Variants in ZNF816 observed in about 807,000 individuals in gnomAD.
The protein encoded by ZNF816 is zinc finger protein 816A.
In ZNF816, 11 loss-of-function variants were observed where a neutral mutation model predicts 8.3. The ratio of observed to expected loss-of-function variants is 1.32; its 90% CI spans 0.83 to 2.19. The LOEUF is 2.19. Ranked by LOEUF, ZNF816 falls within the 30% of genes most tolerant of loss-of-function variation. The pLI is 0.00. For synonymous variants in ZNF816, 255 were observed against 254.5 expected (o/e 1.00, Z -0.02); for missense variants, 710 against 779.3 (o/e 0.91, Z 1.06).
chr19:52,957,414 C>T lies in ZNF816; in HGVS notation c.-15-1310G>A, dbSNP rs2083519254. On this transcript the variant is annotated intron_variant, in intron 1 of 3. Coordinates refer to ENST00000444460, the MANE Select transcript of ZNF816 (RefSeq NM_001202457.3). This position sits in a 1 kb window ranked among gnomAD's most constrained non-coding sequence, Gnocchi z 4.6. The stretch of plus-strand genomic sequence containing the variant: ...ACTTGCAGTGTAACCAGTGTGCTTA[C>T]TGTAAAGAAATAGGATATTAGAAGG... Among the ~76,000 whole-genome samples the T allele has an allele frequency of 6.6e-6, 1 of 152,070 alleles. No homozygotes were observed. The highest frequency in any genetic ancestry group is 6.6e-5 in the Admixed American group (1 of 15,260).
intron 1 of ZNF816, 162 bp from the exon 2 acceptor site, chr19:52,956,266 C>T: frequency 1.3e-6 from 1 of 760,054 alleles, no homozygotes; most frequent in Non-Finnish European, 2.1e-6. Context: ...ACAGGAAGAC[C>T]TACAAATGTA....
In ZNF816 at chr19:52,953,520, T is replaced by TA. The variant is rs1206965095; in HGVS notation, c.64-644dup. 7.3e-4 allele frequency: 33 copies of TA among 45,482 alleles called. 1 individual carries two copies. The highest frequency in any genetic ancestry group is 4.5e-3 in the African/African-American group (10 of 2,214). 2.8% of individuals were successfully genotyped at this position (45,482 alleles called of 1,614,324 possible). ...TTAATATTTAATTATATATAATATA[T>TA]ATTTATAATATATAATATATAATAC... On this transcript the variant is annotated intron_variant, in intron 2 of 3. Transcript: ENST00000444460.
At chr19:52,954,989 A>C (rs2083497604) in intron 2 of ZNF816, among the ~76,000 whole-genome samples, 1 of 152,126 alleles carries the variant, frequency 6.6e-6, no homozygotes, top group Non-Finnish European at 1.5e-5. Flanking sequence ...GCATAAGTGC[A>C]CTTTTCTTTG....
In ZNF816 at chr19:52,950,929, C is replaced by G. The variant is rs1478956639; in HGVS notation, c.846G>C (p.Glu282Asp). Residue 282 changes from glutamate to aspartate, a missense_variant, in exon 4 of 4, where the codon GAG becomes GAC. Coordinates refer to ENST00000444460, the MANE Select transcript of ZNF816 (RefSeq NM_001202457.3). ...CACACTCATTACACTTGTAAGTTTT[C>G]TCACCAGTGTGACATCTATGATGAT... is the stretch of plus-strand genomic sequence containing the variant. The part of the protein sequence containing the change: ...IVYHHRCHTG[E>D]KTYKCNECGK... 1 of 1,614,176 alleles carries G rather than the reference C, an allele frequency of 6.2e-7. No homozygotes were observed. Among genetic ancestry groups the G allele is most frequent in the Non-Finnish European group, 8.5e-7 (1 of 1,180,024 alleles).
intron 3 of ZNF816, 140 bp downstream of exon 3, chr19:52,952,611 G>A: frequency 6.7e-7 from 1 of 1,487,038 alleles, no homozygotes; most frequent in South Asian, 1.3e-5. Context: ...ATGACAGATA[G>A]GAGGGTCATC....
At chr19:52,953,685 G>A (rs1447330650) in intron 2 of ZNF816, among the ~76,000 whole-genome samples, 3 of 135,560 alleles carry the variant, frequency 2.2e-5, no homozygotes, top group African/African-American at 8.3e-5. Context: ...ATATAATATT[G>A]TATAATAAAT....
At chr19:52,960,318 T>C (rs1250911637) in intron 1 of ZNF816, 4 of 242,600 alleles carry the variant, frequency 1.6e-5, no homozygotes, top group Non-Finnish European at 8.2e-6. Flanking sequence ...CTAGTTCTCG[T>C]GTGTACCTAC....
In ZNF816 at chr19:52,950,775, G is replaced by T; in HGVS notation, c.1000C>A (p.Leu334Ile). ...TTGTAAGGTTTCTCTCCAGTATGAA[G>T]TCTACGATGGCATCTAAGGGATGAC... is the stretch of plus-strand genomic sequence containing the variant. ...EKSSLRCHRR[L>I]HTGEKPYKCN... Residue 334 changes from leucine to isoleucine, a missense_variant, in exon 4 of 4, where the codon CTT becomes ATT. By Grantham distance (5) the Leu-to-Ile change is conservative. Transcript: ENST00000444460. The T allele has an allele frequency of 6.2e-7, 1 of 1,613,148 alleles. No individual in the cohort carries two copies. The highest frequency in any genetic ancestry group is 8.5e-7 in the Non-Finnish European group (1 of 1,179,936).
rs2083462219 is a variant in ZNF816, at chr19:52,951,724, A to T, written c.191-140T>A. 19 of 832,078 alleles carry T rather than the reference A, an allele frequency of 2.3e-5. No homozygotes were observed. In the South Asian group the frequency reaches 3.9e-4, roughly 17 times the overall value. The allele number at this position is 832,078 out of a possible 1,614,324, so 51.5% of individuals were successfully genotyped here. A position where few individuals can be genotyped will look rare whatever the true frequency, so the allele number is the denominator to read the frequency against. On this transcript the variant is annotated intron_variant, in intron 3 of 3. Transcript: ENST00000444460. ...TGTGATCTTCATAGTTTAAGAACAC[A>T]CTGTCTCTACTGAACATACAAAAAT...
intron 2 of ZNF816, among the ~76,000 whole-genome samples, chr19:52,954,506 G>A (rs1474677789): frequency 2.0e-5 from 3 of 152,118 alleles, no homozygotes; most frequent in African/African-American, 4.8e-5. Flanking sequence ...AAAATTTTCA[G>A]AACTTGCAGG....
chr19:52,960,383 C>T (rs62116826), intron 1 of ZNF816, among the ~76,000 whole-genome samples: 19,828 of 152,110 alleles, frequency 0.13, 1,604 homozygotes, highest in East Asian at 0.26. Flanking sequence ...TGTGCTTCTT[C>T]GAGATCTTAT....
chr19:52,962,582 G>A (rs1280921254), intron 1 of ZNF816, 145 bp downstream of exon 1: 1 of 152,236 alleles, frequency 6.6e-6, no homozygotes, highest in East Asian at 1.9e-4. Context: ...AACAGCGCGA[G>A]GCGGGAGGAC....
chr19:52,958,715 C>T (rs537261094), intron 1 of ZNF816, among the ~76,000 whole-genome samples: 8 of 152,158 alleles, frequency 5.3e-5, no homozygotes, highest in African/African-American at 1.9e-4. Flanking sequence ...ACAGGGGGAG[C>T]GCAGCCTGGG....
rs1241783171 is a variant in ZNF816, at chr19:52,950,937, T to C, written c.838A>G (p.Thr280Ala). ...QYIVYHHRCH[T>A]GEKTYKCNEC... is the part of the protein sequence containing the mutation. ...TTACACTTGTAAGTTTTCTCACCAG[T>C]GTGACATCTATGATGATATACAATG... The change falls in exon 4 of 4, where the codon ACT becomes GCT. Residue 280 changes from threonine (T) to alanine (A), a missense_variant. Physicochemically the swap from Thr to Ala is moderately conservative, Grantham distance 58. Coordinates refer to ENST00000444460, the MANE Select transcript of ZNF816 (RefSeq NM_001202457.3). 1 of 1,614,066 alleles carries C rather than the reference T, an allele frequency of 6.2e-7. No individual in the cohort carries two copies. Among genetic ancestry groups the C allele is most frequent in the Non-Finnish European group, 8.5e-7 (1 of 1,180,044 alleles).
intron 3 of ZNF816, chr19:52,951,846 G>A (rs1284241343): frequency 2.6e-5 from 12 of 456,480 alleles, no homozygotes; most frequent in Non-Finnish European, 3.8e-5. Context: ...TGCAGCATGC[G>A]GAGATCACCA....
Position 52,950,120 on chromosome 19 carries a change from A to G in ZNF816, c.1655T>C (p.Leu552Pro). The G allele has an allele frequency of 1.2e-6, 2 of 1,614,130 alleles. No individual in the cohort carries two copies. The highest frequency in any genetic ancestry group is 1.6e-4 in the Middle Eastern group (1 of 6,062). The change falls in exon 4 of 4, where the codon CTT becomes CCT. Residue 552 changes from leucine to proline, a missense_variant. Leu to Pro is a moderately conservative substitution (Grantham distance 98, BLOSUM62 -3). Coordinates refer to ENST00000444460, the MANE Select transcript of ZNF816 (RefSeq NM_001202457.3). ...CDKAFRSDSCLANHTRVHTGE... is the reference protein window; with the variant it reads ...CDKAFRSDSCPANHTRVHTGE... The stretch of plus-strand genomic sequence containing the variant: ...AGTATGAACTCTCGTATGGTTTGCA[A>G]GGCATGAATCACTCCGGAAAGCCTT...
chr19:52,950,969 T>A lies in ZNF816; in HGVS notation c.806A>T (p.Lys269Met). The change falls in exon 4 of 4, where the codon AAG becomes ATG. Residue 269 changes from lysine to methionine, a missense_variant. Physicochemically the swap from Lys to Met is moderately conservative, Grantham distance 95 (BLOSUM62 -1). Coordinates refer to ENST00000444460, the MANE Select transcript of ZNF816 (RefSeq NM_001202457.3). ...TCTATGATGATATACAATGTATTGC[T>A]TCTGATTAAAGATCTTGCCACATAC... ...CDVCGKIFNQ[K>M]QYIVYHHRCH... is the part of the protein sequence containing the mutation. 1 of 1,614,196 alleles carries A rather than the reference T, an allele frequency of 6.2e-7. No individual in the cohort carries two copies. Among genetic ancestry groups the A allele is most frequent in the Non-Finnish European group, 8.5e-7 (1 of 1,180,044 alleles).
rs182493458 is a variant in ZNF816, at chr19:52,957,658, C to G, written c.-15-1554G>C. On this transcript the variant is annotated intron_variant, in intron 1 of 3. Coordinates refer to ENST00000444460, the MANE Select transcript of ZNF816 (RefSeq NM_001202457.3). The surrounding 1 kb of genome is among the most constrained non-coding windows in gnomAD (Gnocchi z 4.6). ...AGTAGTAACCGCCCCGGTTGCCCCC[C>G]TTTCCAAAAAGACTATTGTTATAAT... Among the ~76,000 whole-genome samples, 11 of 152,206 alleles carry G rather than the reference C, an allele frequency of 7.2e-5. No individual in the cohort carries two copies. The highest frequency in any genetic ancestry group is 2.2e-4 in the African/African-American group (9 of 41,452).
At chr19:52,954,057 AG>A (rs2083489052) in intron 2 of ZNF816, among the ~76,000 whole-genome samples, 1 of 150,130 alleles carries the variant, frequency 6.7e-6, no homozygotes, top group Non-Finnish European at 1.5e-5. Flanking sequence ...AAAAAAAAAA[AG>A]GTATATATAT....
Sources: gnomAD v4.1 joint callset for allele counts (sites outside exome capture counted in the v4.1 genomes callset) on GRCh38, gnomAD v4.1.1 for gene constraint, Gnocchi (gnomAD v3.1) non-coding constraint, MANE v1.5 for transcripts, NCBI Gene and HGNC (gene_info 2026-07-23, HGNC 2026-07-21) for gene names.